Variants in KDM4B observed in about 807,000 individuals in gnomAD.
KDM4B encodes the protein lysine demethylase 4B.
KDM4B carries 32 observed loss-of-function variants against 125.2 expected under a neutral mutation model. The observed-to-expected ratio is 0.26, with a 90% CI of 0.19 to 0.34. KDM4B has a LOEUF of 0.34. Ranked by LOEUF, KDM4B falls within the 10% of genes least tolerant of loss-of-function variation. KDM4B has a pLI of 1.00. For missense variants in KDM4B, 1,190 were observed against 1,577.7 expected, an observed-to-expected ratio of 0.75 and a Z score of 4.16; for synonymous variants, 721 against 677.9, an observed-to-expected ratio of 1.06 and a Z score of -0.99.
intron 2 of KDM4B, among the ~76,000 whole-genome samples, chr19:5,018,305 G>A (rs2035956511): frequency 6.6e-6 from 1 of 152,226 alleles, no homozygotes; most frequent in Non-Finnish European, 1.5e-5. Context: ...TGGGGTCACA[G>A]GCGTGAGTCA....
intron 2 of KDM4B, among the ~76,000 whole-genome samples, chr19:5,031,971 T>C (rs1167937863): frequency 6.6e-6 from 1 of 152,214 alleles, no homozygotes; most frequent in African/African-American, 2.4e-5. Context: ...TTGTGTGGAC[T>C]TGGGTCCTTG....
chr19:5,026,320 C>G (rs971082266), intron 2 of KDM4B, among the ~76,000 whole-genome samples: 6 of 151,918 alleles, frequency 3.9e-5, no homozygotes, highest in Non-Finnish European at 8.8e-5. Context: ...CCACCACGCC[C>G]AGCCTTAAAA....
At chr19:5,022,847 G>A (rs1222753489) in intron 2 of KDM4B, among the ~76,000 whole-genome samples, 1 of 151,920 alleles carries the variant, frequency 6.6e-6, no homozygotes, top group Non-Finnish European at 1.5e-5. Context: ...GGAGGGATGT[G>A]GGGGTTGGTA....
intron 9 of KDM4B, among the ~76,000 whole-genome samples, chr19:5,096,222 G>A (rs946136400): frequency 8.5e-5 from 13 of 152,092 alleles, no homozygotes; most frequent in Admixed American, 6.5e-4. Context: ...GAGTAGCTGG[G>A]ACTACAGGTG....
intron 1 of KDM4B, among the ~76,000 whole-genome samples, chr19:4,981,431 G>T (rs2034638321): frequency 6.6e-6 from 1 of 152,316 alleles, no homozygotes; most frequent in Middle Eastern, 3.4e-3. Context: ...ATCCAGCCTG[G>T]GGTTGGAGAG....
In KDM4B at chr19:5,078,573, G is replaced by A. The variant is rs986575363; in HGVS notation, c.780+1103G>A. The A allele has an allele frequency of 6.6e-6, 1 of 151,886 alleles. No individual in the cohort carries two copies. The highest frequency in any genetic ancestry group is 1.5e-5 in the Non-Finnish European group (1 of 68,024). 9.4% of individuals were successfully genotyped at this position (151,886 alleles called of 1,614,324 possible). A position where few individuals can be genotyped will look rare whatever the true frequency, so the allele number is the denominator to read the frequency against. ...CATTCAGTACCAGCAAAACCAGACAGATCACGGCATTGCTCAGGGAAGTGA... is the reference window on the plus strand; with the variant it reads ...CATTCAGTACCAGCAAAACCAGACAAATCACGGCATTGCTCAGGGAAGTGA... On this transcript the variant is annotated intron_variant, in intron 8 of 22. Coordinates refer to ENST00000159111, the MANE Select transcript of KDM4B (RefSeq NM_015015.3). This position sits in a 1 kb window ranked among gnomAD's most constrained non-coding sequence, Gnocchi z 4.5.
At chr19:5,042,449 A>G (rs1302201579) in intron 5 of KDM4B, among the ~76,000 whole-genome samples, 1 of 152,026 alleles carries the variant, frequency 6.6e-6, no homozygotes, top group Admixed American at 6.6e-5. Context: ...GCAGTGAGCC[A>G]AGATCGCGCC....
At position 5,006,237 on chromosome 19, in the gene KDM4B, C is replaced by T. The variant is rs537364318; in HGVS notation, c.-108-10020C>T. On this transcript the variant is annotated intron_variant, in intron 1 of 22. Transcript: ENST00000159111. ...GTCCCGCCACTACTGGAACCCCACC[C>T]TGCCTCTGGGTAGTGTGCACCCCAT... 3.0e-4 allele frequency among the ~76,000 whole-genome samples: 45 copies of T among 152,220 alleles called. 1 individual carries two copies. The highest frequency in any genetic ancestry group is 1.5e-3 in the South Asian group (7 of 4,824).
At chr19:5,028,537 C>T (rs942953532) in intron 2 of KDM4B, among the ~76,000 whole-genome samples, 14 of 152,340 alleles carry the variant, frequency 9.2e-5, no homozygotes, top group East Asian at 3.9e-4. Context: ...CTTCTGCAGA[C>T]GTGGTGTACA....
chr19:4,981,628 C>T (rs1239879659), intron 1 of KDM4B, among the ~76,000 whole-genome samples: 2 of 152,166 alleles, frequency 1.3e-5, no homozygotes, highest in Non-Finnish European at 2.9e-5. Context: ...CGCCGGGCCC[C>T]TTGGGAGTGC....
chr19:5,066,961 C>T lies in KDM4B; in HGVS notation c.627-4049C>T, dbSNP rs140776911. ...TGCCCGGGTCCTGGGTCCTGGGTCC[C>T]GCGTCCTGCGTCCCGGCCGATGTGA... On this transcript the variant is annotated intron_variant, in intron 6 of 22. Transcript: ENST00000159111. Among the ~76,000 whole-genome samples, 550 of 152,182 alleles carry T rather than the reference C, an allele frequency of 3.6e-3. 2 individuals are homozygous for T. The highest frequency in any genetic ancestry group is 0.02 in the Middle Eastern group (6 of 294).
chr19:5,102,703 C>CGACGGGT (rs890262211), intron 9 of KDM4B, among the ~76,000 whole-genome samples: 14 of 152,190 alleles, frequency 9.2e-5, no homozygotes, highest in African/African-American at 2.6e-4. Flanking sequence ...GGGCGGCGGG[C>CGACGGGT]GACGGGTGAC....
At chr19:5,032,229 A>C (rs1265326308) in intron 2 of KDM4B, among the ~76,000 whole-genome samples, 1 of 152,122 alleles carries the variant, frequency 6.6e-6, no homozygotes, top group African/African-American at 2.4e-5. Flanking sequence ...GCAATCCCCC[A>C]TTCTGTACAG....
chr19:5,087,492 C>T (rs1343463870), intron 9 of KDM4B, among the ~76,000 whole-genome samples: 1 of 152,240 alleles, frequency 6.6e-6, no homozygotes, highest in African/African-American at 2.4e-5. Flanking sequence ...CCTGCAGCGT[C>T]CCTTGGAGGC....
intron 2 of KDM4B, among the ~76,000 whole-genome samples, chr19:5,018,412 G>A (rs979998843): frequency 2.0e-5 from 3 of 152,132 alleles, no homozygotes; most frequent in African/African-American, 4.8e-5. Flanking sequence ...GAAAGTCCTC[G>A]GGGAGAGCAC....
chr19:5,047,599 T>G lies in KDM4B; in HGVS notation c.556T>G (p.Phe186Val), dbSNP rs2037068028. ...GTACTTCGGCATGTGGAAGACCACC[T>G]TCGCCTGGCACACCGAGGACATGGA... ...YLYFGMWKTT[F>V]AWHTEDMDLY... Residue 186 changes from phenylalanine (F) to valine (V), a missense_variant, in exon 6 of 23, where the codon TTC (phenylalanine) becomes GTC (valine). Around this residue, in one of 7 missense-constraint regions of KDM4B, gnomAD observed 75 missense variants for 218.2 expected, o/e 0.34. Transcript: ENST00000159111. 1 of 1,613,906 alleles carries G rather than the reference T, an allele frequency of 6.2e-7. No homozygotes were observed. Among genetic ancestry groups the G allele is most frequent in the Non-Finnish European group, 8.5e-7 (1 of 1,179,936 alleles).
intron 2 of KDM4B, among the ~76,000 whole-genome samples, chr19:5,025,529 C>T (rs1488776428): frequency 6.6e-6 from 1 of 152,218 alleles, no homozygotes; most frequent in Non-Finnish European, 1.5e-5. Context: ...CTAGAAATTT[C>T]GGTTGGATCG....
chr19:5,137,363 T>C, intron 16 of KDM4B, 25 bp downstream of exon 16: 1 of 1,546,948 alleles, frequency 6.5e-7, no homozygotes, highest in Non-Finnish European at 8.7e-7. Flanking sequence ...GCAGCGGGGG[T>C]GGTGCTCTGA....
intron 6 of KDM4B, among the ~76,000 whole-genome samples, chr19:5,059,456 G>A (rs773220467): frequency 6.6e-6 from 1 of 152,210 alleles, no homozygotes; most frequent in Non-Finnish European, 1.5e-5. Flanking sequence ...GACTTAACCC[G>A]TGTGTGAGCC....
Sources: allele counts gnomAD v4.1 joint callset (sites outside exome capture counted in the v4.1 genomes callset), GRCh38; gene constraint gnomAD v4.1.1; regional missense constraint gnomAD v4.1.1; non-coding constraint Gnocchi (gnomAD v3.1); transcripts MANE v1.5; gene names NCBI Gene and HGNC (gene_info 2026-07-23, HGNC 2026-07-21).